ADAMTSL3: variants seen among roughly 807,000 people sequenced by gnomAD.
ADAMTSL3 encodes ADAMTS-like protein 3.
Under a neutral mutation model 201.7 loss-of-function variants are expected in ADAMTSL3, and 128 were observed. The observed-to-expected ratio is 0.63, with a 90% CI of 0.55 to 0.73. The LOEUF is 0.73. ADAMTSL3 is among the 30% of genes least tolerant of loss of function. ADAMTSL3 has a pLI of 0.00. For missense variants in ADAMTSL3, 1,990 were observed against 2,119.6 expected (o/e 0.94, Z 1.20); for synonymous variants, 738 against 748.4 (o/e 0.99, Z 0.23).
At chr15:83,707,905 G>C (rs1251292236) in intron 3 of ADAMTSL3, among the ~76,000 whole-genome samples, 1 of 152,192 alleles carries the variant, frequency 6.6e-6, no homozygotes, top group Non-Finnish European at 1.5e-5. Flanking sequence ...GAAATTCCCA[G>C]GTTGTCCCTA....
chr15:83,762,735 A>G (rs776604474), intron 3 of ADAMTSL3, among the ~76,000 whole-genome samples: 16 of 152,214 alleles, frequency 1.1e-4, no homozygotes, highest in Non-Finnish European at 2.1e-4. Flanking sequence ...TTCCAGGGAC[A>G]CATTCAGACC....
chr15:83,671,283 A>C (rs777628335), intron 2 of ADAMTSL3, among the ~76,000 whole-genome samples: 1 of 152,198 alleles, frequency 6.6e-6, no homozygotes, highest in East Asian at 1.9e-4. Context: ...TAAAATAAAG[A>C]GGGCACAGAA....
chr15:83,822,377 A>T (rs1277227076), intron 6 of ADAMTSL3, among the ~76,000 whole-genome samples: 2 of 142,996 alleles, frequency 1.4e-5, no homozygotes, highest in Non-Finnish European at 3.0e-5. Flanking sequence ...TGCCGGGCGG[A>T]GGGTCTCCTC....
chr15:84,025,516 A>AGTTTATTGG, intron 27 of ADAMTSL3, 80 bp downstream of exon 27: 1 of 1,403,490 alleles, frequency 7.1e-7, no homozygotes, highest in Non-Finnish European at 9.6e-7. Flanking sequence ...TGTTTCCAAT[A>AGTTTATTGG]AACTACTTTT....
At chr15:83,877,729 T>G (rs1195302711) in intron 9 of ADAMTSL3, among the ~76,000 whole-genome samples, 1 of 152,228 alleles carries the variant, frequency 6.6e-6, no homozygotes, top group Non-Finnish European at 1.5e-5. Flanking sequence ...ATATGCCATA[T>G]CCATACATTT....
At chr15:83,904,760 C>G (rs1160315458) in intron 15 of ADAMTSL3, among the ~76,000 whole-genome samples, 3 of 152,202 alleles carry the variant, frequency 2.0e-5, no homozygotes, top group Non-Finnish European at 4.4e-5. Context: ...AACACTTCAG[C>G]AAACTTGTTG....
intron 28 of ADAMTSL3, among the ~76,000 whole-genome samples, 176 bp from the exon 29 acceptor site, chr15:84,036,597 T>G (rs2068510630): frequency 6.6e-6 from 1 of 152,188 alleles, no homozygotes; most frequent in Non-Finnish European, 1.5e-5. Flanking sequence ...GAGAATGTTG[T>G]CACTGTCGTT....
rs1360366837 is a variant in ADAMTSL3, at chr15:83,988,789, A to T, written c.3815A>T (p.Asp1272Val). The T allele has an allele frequency of 6.2e-7, 1 of 1,604,412 alleles. No individual in the cohort carries two copies. The highest frequency in any genetic ancestry group is 1.7e-5 in the Admixed American group (1 of 59,902). The part of the protein sequence containing the change: ...ECSVANHLGS[D>V]VESSSVLYAE... ...TCTGTAGCTAATCATCTTGGTTCAG[A>T]TGTGGAAAGTTCTTCTGTGCTGTAT... The change falls in exon 22 of 30, where the codon GAT (aspartate) becomes GTT (valine). Residue 1272 changes from aspartate to valine, a missense_variant. Asp to Val is a radical substitution (Grantham distance 152). Coordinates refer to ENST00000286744, the MANE Select transcript of ADAMTSL3 (RefSeq NM_207517.3).
At chr15:83,883,076 T>C (rs1179692919) in intron 9 of ADAMTSL3, among the ~76,000 whole-genome samples, 2 of 151,936 alleles carry the variant, frequency 1.3e-5, no homozygotes, top group Non-Finnish European at 2.9e-5. Flanking sequence ...CTGTATTATT[T>C]TGATAAGCTG....
Position 83,858,794 on chromosome 15 carries a change from G to A in ADAMTSL3, c.756G>A (p.Leu252=). The change falls in exon 8 of 30, where the codon TTG becomes TTA. Residue 252 remains leucine, a synonymous_variant. Transcript: ENST00000286744. ...KREENVIAVP[L]GSRSVRITVK... ...AAGAAAATGTAATTGCTGTTCCTTT[G>A]GGAAGTCGAAGTGTGAGAATTACAG... 1 of 1,613,630 alleles carries A rather than the reference G, an allele frequency of 6.2e-7. No homozygotes were observed.
At chr15:83,897,471 T>C (rs183593344) in intron 13 of ADAMTSL3, among the ~76,000 whole-genome samples, 7 of 152,362 alleles carry the variant, frequency 4.6e-5, no homozygotes, top group African/African-American at 1.4e-4. Flanking sequence ...TATATTTTTA[T>C]TGACAGTTCA....
chr15:84,003,707 T>A (rs1330834679), intron 23 of ADAMTSL3, among the ~76,000 whole-genome samples: 1 of 152,220 alleles, frequency 6.6e-6, no homozygotes, highest in African/African-American at 2.4e-5. Flanking sequence ...CTTTGCTTGC[T>A]CTCTGCCCTC....
At chr15:83,836,322 A>G (rs1056660750) in intron 6 of ADAMTSL3, among the ~76,000 whole-genome samples, 1 of 152,196 alleles carries the variant, frequency 6.6e-6, no homozygotes, top group African/African-American at 2.4e-5. Flanking sequence ...AGCTTTCACC[A>G]TTTGGAAATA....
intron 16 of ADAMTSL3, among the ~76,000 whole-genome samples, chr15:83,919,714 C>T (rs916327164): frequency 3.3e-5 from 5 of 151,824 alleles, no homozygotes; most frequent in African/African-American, 1.2e-4. Flanking sequence ...TGTCAGAGAC[C>T]CTTGGGTACA....
At chr15:83,839,204 T>A (rs1325453578) in intron 7 of ADAMTSL3, among the ~76,000 whole-genome samples, 1 of 152,178 alleles carries the variant, frequency 6.6e-6, no homozygotes, top group Admixed American at 6.5e-5. Flanking sequence ...TTTTATTCCT[T>A]TGAATTTAGT....
At chr15:83,678,109 G>A (rs539422642) in intron 2 of ADAMTSL3, among the ~76,000 whole-genome samples, 1 of 151,840 alleles carries the variant, frequency 6.6e-6, no homozygotes, top group South Asian at 2.1e-4. Flanking sequence ...GTCTTAATAT[G>A]TCCTCAATAT....
chr15:83,719,212 A>G (rs1376731500), intron 3 of ADAMTSL3, among the ~76,000 whole-genome samples: 1 of 152,242 alleles, frequency 6.6e-6, no homozygotes, highest in Non-Finnish European at 1.5e-5. Context: ...TACAGTGTAC[A>G]AGGAAACACA....
At chr15:83,975,397 T>A (rs1265637157) in intron 20 of ADAMTSL3, among the ~76,000 whole-genome samples, 1 of 152,164 alleles carries the variant, frequency 6.6e-6, no homozygotes, top group African/African-American at 2.4e-5. Context: ...CTAGCTTTGC[T>A]AGTTCTGGCT....
At position 83,985,385 on chromosome 15, in the gene ADAMTSL3, T is replaced by A. The variant is rs10162962; in HGVS notation, c.3716+2041T>A. On this transcript the variant is annotated intron_variant, in intron 21 of 29. Transcript: ENST00000286744. ...TGAATTGGCCAGCTCATTTAAAAAA[T>A]ATATATATATATATCTACCAAATAC... Among the ~76,000 whole-genome samples, 888 of 151,278 alleles carry A rather than the reference T, an allele frequency of 5.9e-3. 5 individuals carry two copies. The highest frequency in any genetic ancestry group is 0.01 in the Middle Eastern group (3 of 292).
Sources: gnomAD v4.1 joint callset for allele counts (sites outside exome capture counted in the v4.1 genomes callset) on GRCh38, gnomAD v4.1.1 for gene constraint, MANE v1.5 for transcripts, NCBI Gene and HGNC (gene_info 2026-07-23, HGNC 2026-07-21) for gene names.